TIPIN: variants seen among roughly 807,000 people sequenced by gnomAD.
The protein encoded by TIPIN is TIMELESS interacting protein.
Under a neutral mutation model 35.6 loss-of-function variants are expected in TIPIN, and 29 were observed. The ratio of observed to expected loss-of-function variants is 0.82; its 90% CI spans 0.61 to 1.11. The LOEUF (loss-of-function observed/expected upper bound fraction) is 1.11. Among genes scored for constraint, TIPIN ranks in the 50% most tolerant of loss-of-function variants. The pLI is 0.00. For synonymous variants in TIPIN, 102 were observed against 121.5 expected, an observed-to-expected ratio of 0.84 and a Z score of 1.06; for missense variants, 296 against 345.4, an observed-to-expected ratio of 0.86 and a Z score of 1.13.
intron 6 of TIPIN, among the ~76,000 whole-genome samples, chr15:66,345,945 A>T (rs897053698): frequency 2.6e-5 from 4 of 151,178 alleles, no homozygotes; most frequent in Non-Finnish European, 4.4e-5. Flanking sequence ...ATGTTAATTT[A>T]TCTCCTTTTT....
In TIPIN at chr15:66,349,093, G is replaced by C; in HGVS notation, c.442C>G (p.Pro148Ala). 1 of 1,610,356 alleles carries C rather than the reference G, an allele frequency of 6.2e-7. No homozygotes were observed. Among genetic ancestry groups the C allele is most frequent in the African/African-American group, 1.3e-5 (1 of 74,936 alleles). ...CTAACAAAATCTTCATGTAAAATAG[G>C]GAGATCAAGTCGAATTCGTTTTAAA... ...TCLKRIRLDL[P>A]ILHEDFVSNN... Residue 148 changes from proline to alanine, a missense_variant, in exon 6 of 8, where the codon CCT becomes GCT. Physicochemically the swap from Pro to Ala is conservative, Grantham distance 27. Coordinates refer to ENST00000261881, the MANE Select transcript of TIPIN (RefSeq NM_017858.3).
intron 1 of TIPIN, among the ~76,000 whole-genome samples, chr15:66,373,227 C>G (rs956740829): frequency 6.6e-6 from 1 of 152,198 alleles, no homozygotes; most frequent in Non-Finnish European, 1.5e-5. Flanking sequence ...GGCGCAGTGG[C>G]TCACGCCTGT....
intron 1 of TIPIN, among the ~76,000 whole-genome samples, chr15:66,353,734 G>A (rs751914014): frequency 3.5e-4 from 54 of 152,132 alleles, no homozygotes; most frequent in Middle Eastern, 3.4e-3. Flanking sequence ...TTCCTGAATG[G>A]GAAATTATCC....
At chr15:66,362,026 G>A (rs1203066493) in intron 1 of TIPIN, among the ~76,000 whole-genome samples, 1 of 147,222 alleles carries the variant, frequency 6.8e-6, no homozygotes, top group Non-Finnish European at 1.5e-5. Flanking sequence ...TGGCTCTGCC[G>A]GGCACAGTGG....
chr15:66,383,271 T>C (rs1289154661), intron 1 of TIPIN, among the ~76,000 whole-genome samples: 1 of 152,024 alleles, frequency 6.6e-6, no homozygotes, highest in African/African-American at 2.4e-5. Context: ...TTTCAATTTT[T>C]TTTTTTTTTT....
chr15:66,368,222 A>T (rs907081663), intron 1 of TIPIN, among the ~76,000 whole-genome samples: 4 of 151,954 alleles, frequency 2.6e-5, no homozygotes, highest in African/African-American at 7.2e-5. Context: ...ATTGCTTTTT[A>T]AAAAAATAGT....
chr15:66,346,124 T>C (rs1401164080), intron 6 of TIPIN, among the ~76,000 whole-genome samples: 1 of 152,070 alleles, frequency 6.6e-6, no homozygotes, highest in African/African-American at 2.4e-5. Flanking sequence ...TTTTTTGTAT[T>C]TTTAGTAGAG....
At chr15:66,382,834 A>G (rs2093323082) in intron 1 of TIPIN, 8 of 542,550 alleles carry the variant, frequency 1.5e-5, no homozygotes, top group Non-Finnish European at 1.9e-5. Context: ...GTTTATTATT[A>G]TACATCACTG....
Position 66,336,861 on chromosome 15 carries a change from ACTAT to A in TIPIN, c.*93_*96del, listed in dbSNP as rs552824112. 7.1e-5 allele frequency: 66 copies of A among 923,880 alleles called. No individual in the cohort carries two copies. The highest frequency in any genetic ancestry group is 9.9e-5 in the Non-Finnish European group (60 of 607,436). 57.2% of individuals were successfully genotyped at this position (923,880 alleles called of 1,614,324 possible). A position where few individuals can be genotyped will look rare whatever the true frequency, so the allele number is the denominator to read the frequency against. ...TTAAACAATAATCTATAACAGTTTTACTATCTAAGGATTTTCACTCCAAGAAGAA... is the reference window on the plus strand; with the variant it reads ...TTAAACAATAATCTATAACAGTTTTACTAAGGATTTTCACTCCAAGAAGAA... On this transcript the variant is annotated 3_prime_UTR_variant, in exon 8 of 8. Coordinates refer to ENST00000261881, the MANE Select transcript of TIPIN (RefSeq NM_017858.3).
Position 66,341,974 on chromosome 15 carries a change from AGGAGTTCAAGACCAGTCT to A in TIPIN, c.476-636_476-619del, listed in dbSNP as rs1188739979. 1.1e-4 allele frequency among the ~76,000 whole-genome samples: 17 copies of A among 152,306 alleles called. No homozygotes were observed. The South Asian group carries it at 2.9e-3, about 26-fold the overall frequency. On this transcript the variant is annotated intron_variant, in intron 6 of 7. Transcript: ENST00000261881. ...GCCGAGGCGGGTGGATCATGAGGTC[AGGAGTTCAAGACCAGTCT>A]GGCCAACATGGTGAAACCCCATCTC...
intron 7 of TIPIN, among the ~76,000 whole-genome samples, chr15:66,339,018 C>G (rs2093065860): frequency 6.8e-6 from 1 of 147,388 alleles, no homozygotes; most frequent in Admixed American, 6.9e-5. Context: ...GTAGTCCTAG[C>G]TACTTGAGGA....
chr15:66,351,016 C>G (rs1179335873), intron 4 of TIPIN, among the ~76,000 whole-genome samples: 1 of 149,608 alleles, frequency 6.7e-6, no homozygotes, highest in African/African-American at 2.5e-5. Context: ...TAAAAATATA[C>G]TATCATCTGC....
In TIPIN at chr15:66,352,860, C is replaced by A. The variant is rs757031264; in HGVS notation, c.88G>T (p.Ala30Ser). 1.4e-5 allele frequency: 23 copies of A among 1,613,754 alleles called. No individual in the cohort carries two copies. In the African/African-American group the frequency reaches 3.1e-4, roughly 22 times the overall value. The change falls in exon 2 of 8, where the codon GCC becomes TCC. Residue 30 changes from alanine to serine, a missense_variant. Physicochemically the swap from Ala to Ser is moderately conservative, Grantham distance 99 (BLOSUM62 1). Transcript: ENST00000261881. The stretch of plus-strand genomic sequence containing the variant: ...TCACCATCTTGTCTCTCTGGAGAGG[C>A]TGGAGGTGGGAAAGGAGGAAAAGTT... ...DETFPPFPPP[A>S]SPERQDGEGT...
rs547712468 is a variant in TIPIN at position 66,373,055 on chromosome 15, T to C, written c.-9+13552A>G. Among the ~76,000 whole-genome samples the C allele has an allele frequency of 8.5e-5, 13 of 152,354 alleles. 1 individual carries two copies. In the South Asian group the frequency reaches 2.7e-3, roughly 32 times the overall value. On this transcript the variant is annotated intron_variant, in intron 1 of 7. Coordinates refer to the TIPIN transcript ENST00000562124. The stretch of plus-strand genomic sequence containing the variant: ...CCTAGGAGCAATAGGCTGTATCATG[T>C]AGCCTAGGTGTGTAGTAGGTTACAC...
intron 1 of TIPIN, among the ~76,000 whole-genome samples, chr15:66,374,970 C>A (rs1027835306): frequency 8.5e-5 from 13 of 152,142 alleles, no homozygotes; most frequent in Non-Finnish European, 1.3e-4. Context: ...TGGGCCTCCA[C>A]CAAGTGCTGG....
At chr15:66,379,998 C>CT (rs200332730) in intron 1 of TIPIN, 21,664 of 302,644 alleles carry the variant, frequency 0.072, 48 homozygotes, top group South Asian at 0.14. Flanking sequence ...TTCTTTCTTT[C>CT]TTTCTTTTTT....
At chr15:66,356,196 G>A (rs910086929) in intron 1 of TIPIN, among the ~76,000 whole-genome samples, 1 of 151,982 alleles carries the variant, frequency 6.6e-6, no homozygotes, top group Non-Finnish European at 1.5e-5. Flanking sequence ...AAGTGCTACC[G>A]TGCTGCCTCG....
At chr15:66,347,694 C>T (rs2140454690) in intron 6 of TIPIN, among the ~76,000 whole-genome samples, 1 of 152,272 alleles carries the variant, frequency 6.6e-6, no homozygotes, top group South Asian at 2.1e-4. Context: ...GTTAATTCTC[C>T]TGCCTCAGCC....
At chr15:66,349,271 C>A (rs1296394163) in intron 5 of TIPIN, 44 bp downstream of exon 5, 4 of 1,608,798 alleles carry the variant, frequency 2.5e-6, no homozygotes, top group Non-Finnish European at 1.7e-6. Context: ...ATCTACCCTA[C>A]CATTTAGCAT....
Sources: gnomAD v4.1 joint callset for allele counts (sites outside exome capture counted in the v4.1 genomes callset) on GRCh38, gnomAD v4.1.1 for gene constraint, MANE v1.5 for transcripts, NCBI Gene and HGNC (gene_info 2026-07-23, HGNC 2026-07-21) for gene names.